The following NFKBID variants were observed in gnomAD, a reference collection of about 807,000 sequenced individuals.
NFKBID encodes the protein NF-kappa-B inhibitor delta.
NFKBID carries 26 observed loss-of-function variants against 53.4 expected under a neutral mutation model. That is an observed-to-expected ratio of 0.49 (90% CI 0.36 to 0.68). The LOEUF is 0.68. NFKBID is among the 30% of genes least tolerant of loss of function. The pLI is 0.00. For missense variants in NFKBID, 493 were observed against 614.1 expected (o/e 0.80, Z 2.08); for synonymous variants, 262 against 259.8 (o/e 1.01, Z -0.08).
chr19:35,896,996 A>C lies in NFKBID; in HGVS notation c.495T>G (p.Pro165=). 1 of 1,609,038 alleles carries C rather than the reference A, an allele frequency of 6.2e-7. No homozygotes were observed. The highest frequency in any genetic ancestry group is 1.1e-5 in the South Asian group (1 of 90,840). ...CTCGGGCCACCTCCAGCGATGGTCC[A>C]GGGACCACAGCGGGGAACTGTGGGG... The change falls in exon 5 of 12, where the codon CCT becomes CCG. Residue 165 remains proline (P), a synonymous_variant. Coordinates refer to ENST00000641389, the Ensembl canonical transcript of NFKBID. The surrounding 1 kb of genome is among the most constrained non-coding windows in gnomAD (Gnocchi z 5.7).
intron 3 of NFKBID, among the ~76,000 whole-genome samples, chr19:35,898,166 T>C (rs1023577077): frequency 1.3e-5 from 2 of 151,948 alleles, no homozygotes; most frequent in Non-Finnish European, 2.9e-5. Flanking sequence ...CTAGGCAACA[T>C]AGCCAGACCC....
intron 4 of NFKBID, 72 bp from the exon 5 acceptor site, chr19:35,897,130 C>CCAGT: frequency 1.3e-6 from 2 of 1,508,002 alleles, no homozygotes; most frequent in Non-Finnish European, 1.8e-6. Context: ...GTGGGGAGAC[C>CCAGT]CAGTCAGCTG....
In NFKBID at chr19:35,896,091, G is replaced by A; in HGVS notation, c.921C>T (p.Asn307=). 2.5e-6 allele frequency: 4 copies of A among 1,614,220 alleles called. No individual in the cohort carries two copies. The highest frequency in any genetic ancestry group is 2.5e-6 in the Non-Finnish European group (3 of 1,180,024). ...AGAGGTCGGAAGGGCGCATAGCAAC[G>A]TTAAGGGCCAGGATGGCCGTGTGGA... Residue 307 remains asparagine (N), a synonymous_variant, in exon 9 of 12, where the codon AAC becomes AAT. Coordinates refer to ENST00000641389, the Ensembl canonical transcript of NFKBID. This position sits in a 1 kb window ranked among gnomAD's most constrained non-coding sequence, Gnocchi z 5.7.
chr19:35,892,944 C>T (rs551171881), intron 9 of NFKBID, among the ~76,000 whole-genome samples: 3 of 152,160 alleles, frequency 2.0e-5, no homozygotes, highest in South Asian at 2.1e-4. Context: ...GCTGGGGGAT[C>T]ACTTGGGCCC....
intron 9 of NFKBID, among the ~76,000 whole-genome samples, chr19:35,891,460 G>GA (rs1310804790): frequency 6.6e-6 from 1 of 151,794 alleles, no homozygotes; most frequent in South Asian, 2.1e-4. Flanking sequence ...TTTTTTTAAT[G>GA]AAAAAAATTA....
chr19:35,889,495 T>G (rs192054214), intron 11 of NFKBID, among the ~76,000 whole-genome samples: 1 of 151,540 alleles, frequency 6.6e-6, no homozygotes, highest in Non-Finnish European at 1.5e-5. Context: ...GGTTCCCACC[T>G]GGGGGTGAGG....
chr19:35,898,266 T>G (rs1975319666), intron 3 of NFKBID, among the ~76,000 whole-genome samples: 1 of 151,740 alleles, frequency 6.6e-6, no homozygotes. Context: ...GAGGATCACT[T>G]GAGCCCAGAA....
rs1975345097 is a variant in NFKBID, at chr19:35,898,491, A to G, written c.207T>C (p.Ser69=). The G allele has an allele frequency of 6.5e-6, 10 of 1,535,078 alleles. No homozygotes were observed. In the East Asian group the frequency reaches 2.4e-4, roughly 38 times the overall value. The change falls in exon 3 of 12, where the codon TCT becomes TCC. Residue 69 remains serine, a synonymous_variant. Coordinates refer to ENST00000641389, the Ensembl canonical transcript of NFKBID. The stretch of plus-strand genomic sequence containing the variant: ...ACTTACCAGTCACAGCCTCATTCAC[A>G]GATGGGGTCAGGGGCTGCTCTGGGG...
chr19:35,902,005 C>T (rs903121545), upstream of NFKBID: 7 of 611,094 alleles, frequency 1.1e-5, no homozygotes, highest in Non-Finnish European at 1.8e-5. Flanking sequence ...GGTGATCTCA[C>T]CCAGTCTTGT....
At chr19:35,897,105 T>A in intron 4 of NFKBID, 47 bp from the exon 5 acceptor site, 1 of 1,575,564 alleles carries the variant, frequency 6.3e-7, no homozygotes, top group Non-Finnish European at 8.6e-7. Flanking sequence ...TGGGGGGTCC[T>A]GGAGGGTGCA....
In NFKBID at chr19:35,895,874, G is replaced by A. The variant is rs554204812; in HGVS notation, c.1032+106C>T. 5.7e-4 allele frequency: 565 copies of A among 993,580 alleles called. 1 individual carries two copies. The highest frequency in any genetic ancestry group is 7.1e-4 in the Non-Finnish European group (462 of 653,478). The allele number at this position is 993,580 out of a possible 1,614,324, so 61.5% of individuals were successfully genotyped here. A position where few individuals can be genotyped will look rare whatever the true frequency, so the allele number is the denominator to read the frequency against. On this transcript the variant is annotated intron_variant, in intron 9 of 11. Coordinates refer to ENST00000641389, the Ensembl canonical transcript of NFKBID. ...AGTGAAGTAACATGTTCAAGGGCAC[G>A]CAGCAAGGAAGAGGCAAAGTCAGCA... is the stretch of plus-strand genomic sequence containing the variant.
intron 9 of NFKBID, 194 bp from the exon 10 acceptor site, chr19:35,890,684 C>T (rs1272600786): frequency 4.6e-6 from 3 of 656,488 alleles, no homozygotes; most frequent in Admixed American, 2.1e-5. Flanking sequence ...GACAACACAG[C>T]AAGACCTCAT....
rs1489557326 is a variant in NFKBID at position 35,896,666 on chromosome 19, G to A, written c.684+60C>T. 4 of 1,560,016 alleles carry A rather than the reference G, an allele frequency of 2.6e-6. No homozygotes were observed. The highest frequency in any genetic ancestry group is 2.3e-5 in the East Asian group (1 of 44,118). On this transcript the variant is annotated intron_variant, in intron 6 of 11. Transcript: ENST00000641389. The surrounding 1 kb of genome is among the most constrained non-coding windows in gnomAD (Gnocchi z 5.7). ...TTCCCCTCTTCTCTAGGATCCAGGGGTCCAGGCCCCAGGCTCCTTCCTCCC... is the reference window on the plus strand; with the variant it reads ...TTCCCCTCTTCTCTAGGATCCAGGGATCCAGGCCCCAGGCTCCTTCCTCCC...
Position 35,896,474 on chromosome 19 carries a change from C to T in NFKBID, c.749G>A (p.Gly250Glu). The T allele has an allele frequency of 6.2e-7, 1 of 1,614,150 alleles. No homozygotes were observed. The highest frequency in any genetic ancestry group is 8.5e-7 in the Non-Finnish European group (1 of 1,180,016). ...ATGGTCAGCGGCATTGGGCTCTGCT[C>T]CCAGGTTCAACAGATCCTCCACAAT... The change falls in exon 7 of 12, where the codon GGA becomes GAA. Residue 250 changes from glycine (G) to glutamate (E), a missense_variant. Physicochemically the swap from Gly to Glu is moderately conservative, Grantham distance 98 (BLOSUM62 -2). This residue lies in a region of NFKBID where 267 missense variants were observed against 384.6 expected (regional missense o/e 0.69). Coordinates refer to ENST00000641389, the Ensembl canonical transcript of NFKBID. This position sits in a 1 kb window ranked among gnomAD's most constrained non-coding sequence, Gnocchi z 5.7.
In NFKBID at chr19:35,892,384, T is replaced by C. The variant is rs1974828070; in HGVS notation, c.1033-1894A>G. ...TTATTTTTAAAAAACTTATTATTAT[T>C]ACTAAAAATACAAAAATTAGTGGGG... On this transcript the variant is annotated intron_variant, in intron 9 of 11. Transcript: ENST00000641389. Among the ~76,000 whole-genome samples, 6 of 152,012 alleles carry C rather than the reference T, an allele frequency of 3.9e-5. No individual in the cohort carries two copies. In the East Asian group the frequency reaches 1.2e-3, roughly 29 times the overall value.
chr19:35,895,628 C>T (rs952888671), intron 9 of NFKBID, among the ~76,000 whole-genome samples: 1 of 151,936 alleles, frequency 6.6e-6, no homozygotes, highest in African/African-American at 2.4e-5. Context: ...GTGGAGAAAG[C>T]CTGTCTCTAC....
chr19:35,897,868 A>C lies in NFKBID; in HGVS notation c.227-12T>G. The C allele has an allele frequency of 6.5e-7, 1 of 1,529,060 alleles. No individual in the cohort carries two copies. The highest frequency in any genetic ancestry group is 8.8e-7 in the Non-Finnish European group (1 of 1,139,630). 94.7% of individuals were successfully genotyped at this position (1,529,060 alleles called of 1,614,324 possible). A position where few individuals can be genotyped will look rare whatever the true frequency, so the allele number is the denominator to read the frequency against. On this transcript the variant is annotated splice_polypyrimidine_tract_variant and intron_variant, in intron 3 of 11. Transcript: ENST00000641389. ...GAAGGGAGGGTGGCCTGCGTGTAAGAGGAGGGGCAGGGGCAGGTCTGGTTA... is the reference window on the plus strand; with the variant it reads ...GAAGGGAGGGTGGCCTGCGTGTAAGCGGAGGGGCAGGGGCAGGTCTGGTTA...
At chr19:35,891,305 T>C (rs936480077) in intron 9 of NFKBID, among the ~76,000 whole-genome samples, 4 of 152,350 alleles carry the variant, frequency 2.6e-5, no homozygotes, top group East Asian at 1.9e-4. Flanking sequence ...CGATAATGAA[T>C]GTTAAACATT....
At chr19:35,890,352 A>C (rs2146935035) in intron 10 of NFKBID, 22 bp downstream of exon 10, 1 of 1,527,636 alleles carries the variant, frequency 6.5e-7, no homozygotes, top group Non-Finnish European at 9.0e-7. Context: ...CACAATCTGC[A>C]CTTCCCAGCC....
Sources: allele counts gnomAD v4.1 joint callset (sites outside exome capture counted in the v4.1 genomes callset), GRCh38; gene constraint gnomAD v4.1.1; regional missense constraint gnomAD v4.1.1; non-coding constraint Gnocchi (gnomAD v3.1); transcripts MANE v1.5; gene names NCBI Gene and HGNC (gene_info 2026-07-23, HGNC 2026-07-21).